Variants in ACTR3C observed in about 807,000 individuals in gnomAD.
ACTR3C encodes the protein actin-related protein 3C.
ACTR3C carries 18 observed loss-of-function variants against 26.3 expected under a neutral mutation model. That is an observed-to-expected ratio of 0.68 (90% CI 0.47 to 1.01). ACTR3C has a LOEUF of 1.01. Ranked by LOEUF, ACTR3C falls within the 50% of genes least tolerant of loss-of-function variation. The pLI, the probability that ACTR3C is intolerant of heterozygous loss-of-function variation, is 0.00. For missense variants in ACTR3C, 184 were observed against 250.7 expected (o/e 0.73, Z 1.80); for synonymous variants, 55 against 94.5 (o/e 0.58, Z 2.42).
the ACTR3C span, among the ~76,000 whole-genome samples, chr7:149,886,338 C>T: frequency 1.3e-5 from 2 of 152,206 alleles, no homozygotes; most frequent in South Asian, 2.1e-4. Flanking sequence ...TGTTTCCTGT[C>T]GAATGTCTTT....
At chr7:150,156,278 C>T in the ACTR3C span, among the ~76,000 whole-genome samples, 1 of 152,196 alleles carries the variant, frequency 6.6e-6, no homozygotes. Flanking sequence ...CTGGTTAAAG[C>T]ATAGGCTGGC....
intron 1 of ACTR3C, among the ~76,000 whole-genome samples, chr7:150,299,495 C>CAAAAAAAAA (rs373387799): frequency 1.2e-5 from 1 of 84,564 alleles, no homozygotes; most frequent in Non-Finnish European, 2.4e-5. Context: ...AAAAAAAAAA[C>CAAAAAAAAA]AAAAAACAGG....
At chr7:150,000,485 G>A in the ACTR3C span, among the ~76,000 whole-genome samples, 698 of 84,074 alleles carry the variant, frequency 8.3e-3, no homozygotes, top group Non-Finnish European at 0.013. Context: ...GTATAAAGGG[G>A]ACATGAGATT....
chr7:150,174,675 C>G, the ACTR3C span, among the ~76,000 whole-genome samples: 1 of 140,064 alleles, frequency 7.1e-6, no homozygotes, highest in Admixed American at 6.7e-5. Context: ...ACAAAATTCA[C>G]TCAATAAGAA....
the ACTR3C span, among the ~76,000 whole-genome samples, chr7:150,138,087 G>A: frequency 6.6e-6 from 1 of 152,184 alleles, no homozygotes; most frequent in African/African-American, 2.4e-5. Flanking sequence ...GCTTCATCTA[G>A]AAATGTTTGT....
At chr7:150,031,799 G>A in the ACTR3C span, among the ~76,000 whole-genome samples, 6 of 152,160 alleles carry the variant, frequency 3.9e-5, no homozygotes, top group African/African-American at 1.2e-4. Flanking sequence ...CTGTGCACCC[G>A]GCCAGTGAGG....
intron 7 of ACTR3C, 118 bp downstream of exon 7, chr7:150,248,830 A>G: frequency 2.3e-6 from 1 of 438,150 alleles, no homozygotes; most frequent in Non-Finnish European, 4.0e-6. Flanking sequence ...GAATTTTAGA[A>G]TAATTGTCAT....
At chr7:150,198,774 C>T in the ACTR3C span, among the ~76,000 whole-genome samples, 14 of 135,274 alleles carry the variant, frequency 1.0e-4, 1 homozygote, top group Admixed American at 9.4e-4. Flanking sequence ...AGCCCCCCGC[C>T]TGGCCAGCCG....
the ACTR3C span, among the ~76,000 whole-genome samples, chr7:150,085,729 T>G: frequency 1.3e-5 from 2 of 152,070 alleles, no homozygotes; most frequent in African/African-American, 4.8e-5. Flanking sequence ...TTAATAAGTA[T>G]CCATCATTAT....
chr7:149,935,907 C>A, the ACTR3C span, among the ~76,000 whole-genome samples: 1 of 152,150 alleles, frequency 6.6e-6, no homozygotes, highest in East Asian at 1.9e-4. Context: ...CTGAGTAGAC[C>A]TGCCACTGCT....
the ACTR3C span, among the ~76,000 whole-genome samples, chr7:150,179,426 AAAAAAG>A: frequency 2.0e-4 from 29 of 144,358 alleles, 1 homozygote; most frequent in African/African-American, 5.2e-4. Context: ...AGGAAAAAAA[AAAAAAG>A]AAAGAAATTG....
chr7:150,231,059 T>C, the ACTR3C span, among the ~76,000 whole-genome samples: 1 of 152,028 alleles, frequency 6.6e-6, no homozygotes, highest in African/African-American at 2.4e-5. Flanking sequence ...CTTCTTCTCT[T>C]ATATATTCAG....
the ACTR3C span, among the ~76,000 whole-genome samples, chr7:149,895,660 C>A: frequency 6.6e-6 from 1 of 151,840 alleles, no homozygotes; most frequent in Non-Finnish European, 1.5e-5. Flanking sequence ...CATAGCAAGA[C>A]CCCATCTCTA....
At chr7:150,120,305 T>TC in the ACTR3C span, among the ~76,000 whole-genome samples, 1 of 151,934 alleles carries the variant, frequency 6.6e-6, no homozygotes, top group African/African-American at 2.4e-5. Flanking sequence ...GCTGGTTTTT[T>TC]CAAAAGATTA....
intron 4 of ACTR3C, among the ~76,000 whole-genome samples, chr7:150,288,956 C>T (rs3095095): frequency 6.6e-6 from 1 of 151,732 alleles, no homozygotes; most frequent in African/African-American, 2.4e-5. Context: ...GTGTGGGTGT[C>T]AGGCTCACCC....
At chr7:150,139,898 G>T in the ACTR3C span, among the ~76,000 whole-genome samples, 4 of 152,176 alleles carry the variant, frequency 2.6e-5, no homozygotes, top group Non-Finnish European at 5.9e-5. Context: ...ATCACCCAGT[G>T]ACACAGCAGG....
the ACTR3C span, among the ~76,000 whole-genome samples, chr7:149,967,278 A>T: frequency 1.3e-5 from 2 of 151,070 alleles, no homozygotes; most frequent in Non-Finnish European, 3.0e-5. Flanking sequence ...CTCGTGATCC[A>T]CCCGCCTCAG....
At chr7:149,983,811 C>A in the ACTR3C span, among the ~76,000 whole-genome samples, 4 of 152,044 alleles carry the variant, frequency 2.6e-5, no homozygotes, top group Admixed American at 6.6e-5. Context: ...AGCAGAAAAT[C>A]CTGCCATATG....
rs989497069 is a variant in ACTR3C, at chr7:150,279,941, AAC to A, written c.564+4810_564+4811del. Among the ~76,000 whole-genome samples, 662 of 152,272 alleles carry A rather than the reference AAC, an allele frequency of 4.3e-3. 4 individuals carry two copies. Among genetic ancestry groups the A allele is most frequent in the African/African-American group, 0.015 (614 of 41,560 alleles). ...ACATACTTAAATCCCCTAATTTAAC[AAC>A]AGTGTCTTGTACCTAGTAGGTACTC... On this transcript the variant is annotated intron_variant, in intron 6 of 7. Transcript: ENST00000683684.
Sources: allele counts gnomAD v4.1 joint callset (sites outside exome capture counted in the v4.1 genomes callset), GRCh38; gene constraint gnomAD v4.1.1; transcripts MANE v1.5; gene names NCBI Gene and HGNC (gene_info 2026-07-23, HGNC 2026-07-21).